The following MMRN1 variants were observed in gnomAD, a reference collection of about 807,000 sequenced individuals.
The protein encoded by MMRN1 is multimerin 1.
In MMRN1, 94 loss-of-function variants were observed where a neutral mutation model predicts 100.7. The observed-to-expected ratio is 0.93, with a 90% confidence interval of 0.79 to 1.11. The LOEUF (loss-of-function observed/expected upper bound fraction) is 1.11, where lower values mean the gene tolerates loss of function less well. Among genes scored for constraint, MMRN1 ranks in the 50% least tolerant of loss-of-function variants. The pLI is 0.00. For synonymous variants in MMRN1, 575 were observed against 505.0 expected (o/e 1.14, Z -1.86); for missense variants, 1,606 against 1,439.1 (o/e 1.12, Z -1.88).
intron 3 of MMRN1, among the ~76,000 whole-genome samples, chr4:89,913,374 T>C (rs1721815037): frequency 6.6e-6 from 1 of 151,344 alleles, no homozygotes; most frequent in Non-Finnish European, 1.5e-5. Flanking sequence ...ATCTTATTAG[T>C]AGACATGTGG....
chr4:89,886,820 T>A (rs1375771557), intron 1 of MMRN1, among the ~76,000 whole-genome samples: 2 of 152,150 alleles, frequency 1.3e-5, no homozygotes, highest in African/African-American at 4.8e-5. Context: ...ATTAGGATAT[T>A]GATCACCTGA....
intron 3 of MMRN1, among the ~76,000 whole-genome samples, chr4:89,920,807 GT>G (rs143560826): frequency 6.6e-6 from 1 of 150,738 alleles, no homozygotes; most frequent in Non-Finnish European, 1.5e-5. Context: ...GTAGAGTTTT[GT>G]TTTTTTTGTT....
intron 6 of MMRN1, among the ~76,000 whole-genome samples, chr4:89,948,043 G>T (rs1038739860): frequency 6.6e-6 from 1 of 152,026 alleles, no homozygotes; most frequent in African/African-American, 2.4e-5. Context: ...GTAGAGATGG[G>T]GTTTCACCAT....
At chr4:89,890,726 C>T (rs1454440393), upstream of MMRN1, among the ~76,000 whole-genome samples, 2 of 151,934 alleles carry the variant, frequency 1.3e-5, no homozygotes, top group African/African-American at 2.4e-5. Flanking sequence ...TACTGTTCTG[C>T]GTAAATGGGA....
chr4:89,934,760 A>T, intron 5 of MMRN1, 50 bp from the exon 6 acceptor site: 1 of 1,084,696 alleles, frequency 9.2e-7, no homozygotes, highest in Non-Finnish European at 1.3e-6. Flanking sequence ...AGAGATGCTT[A>T]AAGTCTCATA....
chr4:89,940,569 G>T (rs1053522216), intron 6 of MMRN1, among the ~76,000 whole-genome samples: 1 of 152,004 alleles, frequency 6.6e-6, no homozygotes, highest in East Asian at 1.9e-4. Flanking sequence ...TGACTAATGA[G>T]CCCTGAATTT....
At chr4:89,883,604 T>C (rs1040194861) in intron 1 of MMRN1, among the ~76,000 whole-genome samples, 3 of 152,148 alleles carry the variant, frequency 2.0e-5, no homozygotes, top group Non-Finnish European at 4.4e-5. Context: ...TGTCTTTTCA[T>C]TATTAATTTA....
At chr4:89,891,379 G>A (rs1332726141), upstream of MMRN1, among the ~76,000 whole-genome samples, 1 of 151,946 alleles carries the variant, frequency 6.6e-6, no homozygotes, top group Non-Finnish European at 1.5e-5. Flanking sequence ...TTCGTTCACT[G>A]ATTCAACAAA....
rs145700697 is a variant in MMRN1 at position 89,932,618 on chromosome 4, A to G, written c.1130-2192A>G. Among the ~76,000 whole-genome samples the G allele has an allele frequency of 3.8e-3, 575 of 152,280 alleles. 1 individual carries two copies. Among genetic ancestry groups the G allele is most frequent in the Non-Finnish European group, 5.6e-3 (382 of 68,012 alleles). On this transcript the variant is annotated intron_variant, in intron 5 of 7. Coordinates refer to ENST00000264790, the MANE Select transcript of MMRN1 (RefSeq NM_007351.3). Reference sequence around the variant, plus strand: ...AAACCTCAATCCTTGACTTCTCTGCACCTTCAAGCCCAACACCACATGTAA... The same window carrying G: ...AAACCTCAATCCTTGACTTCTCTGCGCCTTCAAGCCCAACACCACATGTAA...
At chr4:89,942,220 A>G (rs1352513863) in intron 6 of MMRN1, among the ~76,000 whole-genome samples, 1 of 152,192 alleles carries the variant, frequency 6.6e-6, no homozygotes, top group African/African-American at 2.4e-5. Flanking sequence ...ACTTCCCAAC[A>G]ATAGACGATT....
chr4:89,905,353 A>G (rs78885203), intron 1 of MMRN1, among the ~76,000 whole-genome samples: 1 of 151,462 alleles, frequency 6.6e-6, no homozygotes, highest in African/African-American at 2.4e-5. Context: ...ATATGAATAA[A>G]TTATTCTCTT....
intron 1 of MMRN1, among the ~76,000 whole-genome samples, chr4:89,900,765 T>C (rs879921249): frequency 6.6e-6 from 1 of 151,944 alleles, no homozygotes; most frequent in Admixed American, 6.6e-5. Context: ...AGATATAAAT[T>C]TGGCAAAGCA....
At chr4:89,889,004 G>C (rs1720994595) in intron 1 of MMRN1, among the ~76,000 whole-genome samples, 1 of 151,856 alleles carries the variant, frequency 6.6e-6, no homozygotes, top group African/African-American at 2.4e-5. Flanking sequence ...GAGGCATTAT[G>C]CTTAAAAGAA....
At chr4:89,883,989 A>T (rs531518942) in intron 1 of MMRN1, among the ~76,000 whole-genome samples, 3 of 152,092 alleles carry the variant, frequency 2.0e-5, no homozygotes, top group Non-Finnish European at 2.9e-5. Flanking sequence ...TTATTTAATA[A>T]GATATTTTAC....
rs1432069601 is a variant in MMRN1, at chr4:89,927,832, G to A, written c.993G>A (p.Gln331=). Residue 331 remains glutamine (Q), a synonymous_variant, in exon 5 of 8, where the codon CAG becomes CAA. Coordinates refer to ENST00000264790, the MANE Select transcript of MMRN1 (RefSeq NM_007351.3). ...AAATGACTGATCAGGTGAACTACCA[G>A]GCAATGAAACTGACTCTTCTGCAGA... ...MQKMTDQVNY[Q]AMKLTLLQKK... is the part of the protein sequence containing the mutation. 2.5e-6 allele frequency: 4 copies of A among 1,612,198 alleles called. No individual in the cohort carries two copies. Among genetic ancestry groups the A allele is most frequent in the Admixed American group, 3.3e-5 (2 of 59,774 alleles).
Position 89,953,044 on chromosome 4 carries a change from G to A in MMRN1, c.3313G>A (p.Ala1105Thr). 1 of 1,605,866 alleles carries A rather than the reference G, an allele frequency of 6.2e-7. No individual in the cohort carries two copies. The highest frequency in any genetic ancestry group is 8.5e-7 in the Non-Finnish European group (1 of 1,177,150). ...YRYAPMVAFF[A>T]SHTYGMTIPG... ...ATATGCACCCATGGTGGCATTTTTTGCATCTCATACGTATGGAATGACTAT... is the reference window on the plus strand; with the variant it reads ...ATATGCACCCATGGTGGCATTTTTTACATCTCATACGTATGGAATGACTAT... The change falls in exon 8 of 8, where the codon GCA (alanine) becomes ACA (threonine). Residue 1105 changes from alanine to threonine, a missense_variant. Coordinates refer to ENST00000264790, the MANE Select transcript of MMRN1 (RefSeq NM_007351.3).
intron 6 of MMRN1, among the ~76,000 whole-genome samples, chr4:89,948,593 T>C (rs1264081591): frequency 1.3e-5 from 2 of 152,224 alleles, no homozygotes; most frequent in Non-Finnish European, 2.9e-5. Context: ...TTGTGTTATC[T>C]TGACAGAAGT....
intron 3 of MMRN1, 97 bp downstream of exon 3, chr4:89,912,147 A>G: frequency 1.2e-6 from 1 of 804,482 alleles, no homozygotes; most frequent in Non-Finnish European, 1.9e-6. Context: ...AAGGTAAATT[A>G]ACATGTAGCC....
At chr4:89,882,059 G>A (rs1373027449) in intron 1 of MMRN1, among the ~76,000 whole-genome samples, 9 of 151,836 alleles carry the variant, frequency 5.9e-5, no homozygotes, top group African/African-American at 2.2e-4. Context: ...TTTTGGTGAT[G>A]TTGATGTATC....
Sources: allele counts gnomAD v4.1 joint callset (sites outside exome capture counted in the v4.1 genomes callset), GRCh38; gene constraint gnomAD v4.1.1; transcripts MANE v1.5; gene names NCBI Gene and HGNC (gene_info 2026-07-23, HGNC 2026-07-21).